The following ANXA6 variants were observed in gnomAD, a reference collection of about 807,000 sequenced individuals.
The protein encoded by ANXA6 is 67 kDa calelectrin.
ANXA6 carries 71 observed loss-of-function variants against 95.4 expected under a neutral mutation model. That is an observed-to-expected ratio of 0.74 (90% CI 0.61 to 0.91). ANXA6 has a LOEUF of 0.91. Among genes scored for constraint, ANXA6 ranks in the 40% least tolerant of loss-of-function variants. The pLI is 0.00. For synonymous variants in ANXA6, 289 were observed against 315.9 expected, an observed-to-expected ratio of 0.91 and a Z score of 0.90; for missense variants, 830 against 876.4, an observed-to-expected ratio of 0.95 and a Z score of 0.67.
At chr5:151,144,075 A>G (rs544013788) in intron 2 of ANXA6, among the ~76,000 whole-genome samples, 13 of 152,310 alleles carry the variant, frequency 8.5e-5, no homozygotes, top group African/African-American at 3.1e-4. Context: ...AGGCTGGAGA[A>G]GATGATGGGG....
At position 151,122,172 on chromosome 5, in the gene ANXA6, G is replaced by A. The variant is rs779636774; in HGVS notation, c.1322C>T (p.Ala441Val). 2.1e-5 allele frequency: 33 copies of A among 1,596,292 alleles called. No homozygotes were observed. The South Asian group carries it at 3.3e-4, about 16-fold the overall frequency. ...GLMMPPAHYD[A>V]KQLKKAMEGA... ...CTCCATGGCCTTCTTCAACTGCTTG[G>A]CATCGTAATGGGCCGGTGGCATCAT... The change falls in exon 17 of 26, where the codon GCC becomes GTC. Residue 441 changes from alanine to valine, a missense_variant. By Grantham distance (64) the Ala-to-Val change is moderately conservative (BLOSUM62 0). Coordinates refer to ENST00000354546, the MANE Select transcript of ANXA6 (RefSeq NM_001155.5).
At chr5:151,124,211 C>T in intron 15 of ANXA6, 75 bp downstream of exon 15, 2 of 1,311,420 alleles carry the variant, frequency 1.5e-6, no homozygotes, top group South Asian at 1.2e-5. Context: ...CACTCCATCC[C>T]CTGCCAGCCC....
intron 4 of ANXA6, 86 bp downstream of exon 4, chr5:151,139,267 T>G (rs768115907): frequency 1.0e-6 from 1 of 984,610 alleles, no homozygotes; most frequent in Non-Finnish European, 1.5e-6. Flanking sequence ...GAGTGCCATA[T>G]CCAGGAAATA....
chr5:151,122,735 G>A (rs1219960725), intron 16 of ANXA6, among the ~76,000 whole-genome samples, 182 bp downstream of exon 16: 1 of 152,176 alleles, frequency 6.6e-6, no homozygotes, highest in Non-Finnish European at 1.5e-5. Flanking sequence ...GGAACTGGGG[G>A]CATGGAAAGA....
chr5:151,144,872 T>C (rs556643362), intron 2 of ANXA6, among the ~76,000 whole-genome samples: 2 of 151,504 alleles, frequency 1.3e-5, no homozygotes, highest in South Asian at 2.1e-4. Flanking sequence ...GAAGCAAAGG[T>C]GGGGGGCTTA....
In ANXA6 at chr5:151,123,135, G is replaced by T. The variant is rs540571187; in HGVS notation, c.1139-124C>A. 1.9e-5 allele frequency: 15 copies of T among 804,310 alleles called. No individual in the cohort carries two copies. The South Asian group carries it at 2.1e-4, about 11-fold the overall frequency. 49.8% of individuals were successfully genotyped at this position (804,310 alleles called of 1,614,324 possible). ...TAGAAGCCTGGCTAAGCGGCCATGT[G>T]CTCCTGAGTCCCTGCAGTCCGCTTG... is the stretch of plus-strand genomic sequence containing the variant. On this transcript the variant is annotated intron_variant, in intron 15 of 25. Coordinates refer to ENST00000354546, the MANE Select transcript of ANXA6 (RefSeq NM_001155.5).
At chr5:151,119,606 C>T (rs545901241) in intron 17 of ANXA6, among the ~76,000 whole-genome samples, 1 of 152,216 alleles carries the variant, frequency 6.6e-6, no homozygotes, top group Admixed American at 6.5e-5. Context: ...CTTTGCCTTC[C>T]AGCCCCCCAA....
rs1438548233 is a variant in ANXA6, at chr5:151,133,182, T to C, written c.552A>G (p.Leu184=). Residue 184 remains leucine (L), a synonymous_variant, in exon 9 of 26, where the codon CTA becomes CTG. Coordinates refer to ENST00000354546, the MANE Select transcript of ANXA6 (RefSeq NM_001155.5). ...EDLVQQDVQD[L]YEAGELKWGT... is the part of the protein sequence containing the mutation. ...CCCATTTCAGTTCCCCTGCCTCGTA[T>C]AGGTCCTGAAGGGGAAGAGGTGGCA... 1 of 1,581,930 alleles carries C rather than the reference T, an allele frequency of 6.3e-7. No homozygotes were observed. Among genetic ancestry groups the C allele is most frequent in the Non-Finnish European group, 8.6e-7 (1 of 1,162,966 alleles).
Position 151,140,180 on chromosome 5 carries a change from C to G in ANXA6, c.82G>C (p.Ala28Pro). The change falls in exon 3 of 26, where the codon GCT (alanine) becomes CCT (proline). Residue 28 changes from alanine to proline, a missense_variant. Coordinates refer to ENST00000354546, the MANE Select transcript of ANXA6 (RefSeq NM_001155.5). Reference sequence around the variant, plus strand: ...AAGCCCTTCATGGCAGTGTACAGAGCCTCGGCATCCTGGTTGGGGTCAAAG... The same window carrying G: ...AAGCCCTTCATGGCAGTGTACAGAGGCTCGGCATCCTGGTTGGGGTCAAAG... ...PGFDPNQDAEALYTAMKGFGS... is the reference protein window; with the variant it reads ...PGFDPNQDAEPLYTAMKGFGS... 1 of 1,613,970 alleles carries G rather than the reference C, an allele frequency of 6.2e-7. No individual in the cohort carries two copies. The highest frequency in any genetic ancestry group is 8.5e-7 in the Non-Finnish European group (1 of 1,179,884).
intron 10 of ANXA6, among the ~76,000 whole-genome samples, chr5:151,132,268 G>A (rs760838662): frequency 6.6e-6 from 1 of 152,172 alleles, no homozygotes; most frequent in Non-Finnish European, 1.5e-5. Flanking sequence ...GGGAGCTGGA[G>A]GAAGTCAGTA....
intron 1 of ANXA6, chr5:151,155,260 A>C (rs1766206989): frequency 6.6e-6 from 1 of 152,186 alleles, no homozygotes; most frequent in Non-Finnish European, 1.5e-5. Context: ...GCTATTATTT[A>C]AGGACCACCA....
Position 151,137,253 on chromosome 5 carries a change from C to T in ANXA6, c.387G>A (p.Gln129=), listed in dbSNP as rs1273887438. 8 of 1,613,574 alleles carry T rather than the reference C, an allele frequency of 5.0e-6. No individual in the cohort carries two copies. Among genetic ancestry groups the T allele is most frequent in the Non-Finnish European group, 6.8e-6 (8 of 1,179,782 alleles). The change falls in exon 6 of 26, where the codon CAG becomes CAA. Residue 129 remains glutamine (Q), a synonymous_variant. Transcript: ENST00000354546. ...CACCATCTTTGTATGCTGCCACCAG[C>T]TGGTGCATCTGCTCATTGGTCCGGG... The part of the protein sequence containing the change: ...LASRTNEQMH[Q]LVAAYKDAYE...
At chr5:151,149,710 T>C (rs1266073826) in intron 1 of ANXA6, among the ~76,000 whole-genome samples, 3 of 151,802 alleles carry the variant, frequency 2.0e-5, no homozygotes, top group Admixed American at 6.6e-5. Context: ...GGTCTCGAAC[T>C]CCTGCCCTTG....
Position 151,126,383 on chromosome 5 carries a change from G to A in ANXA6, c.1056+19C>T. 6.3e-7 allele frequency: 1 copy of A among 1,597,894 alleles called. No homozygotes were observed. The highest frequency in any genetic ancestry group is 1.1e-5 in the South Asian group (1 of 88,676). Reference sequence around the variant, plus strand: ...AAGCTGTGGTCAAGAGGTCAAGCAGGAGGAGGGGAAGGTCTGACCTCTACT... The same window carrying A: ...AAGCTGTGGTCAAGAGGTCAAGCAGAAGGAGGGGAAGGTCTGACCTCTACT... On this transcript the variant is annotated intron_variant, in intron 14 of 25. Transcript: ENST00000354546.
intron 21 of ANXA6, 135 bp from the exon 22 acceptor site, chr5:151,109,981 G>T: frequency 1.5e-6 from 1 of 663,138 alleles, no homozygotes; most frequent in Non-Finnish European, 2.7e-6. Context: ...AGGGGGCCGA[G>T]ACTGGTCCCC....
rs544884445 is a variant in ANXA6, at chr5:151,115,211, A to T, written c.1572+1916T>A. Reference sequence around the variant, plus strand: ...ATAAAGAATCCACTTTTATATATACATAGAGAAGCAACTAGAATAATGTAT... The same window carrying T: ...ATAAAGAATCCACTTTTATATATACTTAGAGAAGCAACTAGAATAATGTAT... On this transcript the variant is annotated intron_variant, in intron 20 of 25. Coordinates refer to ENST00000354546, the MANE Select transcript of ANXA6 (RefSeq NM_001155.5). Among the ~76,000 whole-genome samples, 4 of 152,368 alleles carry T rather than the reference A, an allele frequency of 2.6e-5. No individual in the cohort carries two copies. The East Asian group carries it at 7.7e-4, about 29-fold the overall frequency.
chr5:151,141,053 G>C (rs994737775), intron 2 of ANXA6, among the ~76,000 whole-genome samples: 1 of 152,270 alleles, frequency 6.6e-6, no homozygotes, highest in South Asian at 2.1e-4. Context: ...ACTGGCATCT[G>C]AGGACAAGCT....
At chr5:151,155,235 G>T (rs1211956367) in intron 1 of ANXA6, 1 of 152,138 alleles carries the variant, frequency 6.6e-6, no homozygotes, top group Non-Finnish European at 1.5e-5. Context: ...AGGTAATAGT[G>T]GTTACCATTT....
intron 20 of ANXA6, among the ~76,000 whole-genome samples, chr5:151,114,613 T>TAAAAAAAAAAAAAAAAA (rs61407672): frequency 1.0e-4 from 7 of 70,318 alleles, no homozygotes; most frequent in East Asian, 1.0e-3. Flanking sequence ...GACTCCGTCT[T>TAAAAAAAAAAAAAAAAA]AAAAAAAAAA....
Sources: allele counts gnomAD v4.1 joint callset (sites outside exome capture counted in the v4.1 genomes callset), GRCh38; gene constraint gnomAD v4.1.1; transcripts MANE v1.5; gene names NCBI Gene and HGNC (gene_info 2026-07-23, HGNC 2026-07-21).